The following RGS7BP variants were observed in gnomAD, a reference collection of about 807,000 sequenced individuals.
RGS7BP encodes regulator of G protein signaling 7 binding protein, also known as regulator of G protein signaling 7-binding protein.
In RGS7BP, 9 loss-of-function variants were observed where a neutral mutation model predicts 31.3. That is an observed-to-expected ratio of 0.29 (90% CI 0.17 to 0.50). The LOEUF is 0.50. Ranked by LOEUF, RGS7BP falls within the 20% of genes least tolerant of loss-of-function variation. RGS7BP has a pLI of 0.98. For missense variants in RGS7BP, 274 were observed against 322.0 expected (o/e 0.85, Z 1.14); for synonymous variants, 115 against 120.1 (o/e 0.96, Z 0.28).
At chr5:64,527,660 T>C (rs1240202681) in intron 2 of RGS7BP, among the ~76,000 whole-genome samples, 2 of 115,536 alleles carry the variant, frequency 1.7e-5, no homozygotes, top group Admixed American at 8.8e-5. Context: ...GTTCTAAATA[T>C]CCAACAGAGG....
rs1396353857 is a variant in RGS7BP, at chr5:64,506,704, C to T, written c.80C>T (p.Pro27Leu). The change falls in exon 1 of 6, where the codon CCG becomes CTG. Residue 27 changes from proline (P) to leucine (L), a missense_variant. Pro to Leu is a moderately conservative substitution (Grantham distance 98, BLOSUM62 -3). This residue lies in a region of RGS7BP where 149 missense variants were observed against 152.6 expected (regional missense o/e 0.98). Coordinates refer to ENST00000334025, the MANE Select transcript of RGS7BP (RefSeq NM_001029875.3). The surrounding 1 kb of genome is among the most constrained non-coding windows in gnomAD (Gnocchi z 4.6). ...TCGATCTTCCAGATCAGCAAGCCCC[C>T]GCTGCAGAGCGGAGATTGGGAGCGC... ...RSSIFQISKP[P>L]LQSGDWERRG... is the part of the protein sequence containing the mutation. 6.2e-7 allele frequency: 1 copy of T among 1,613,428 alleles called. No homozygotes were observed. Among genetic ancestry groups the T allele is most frequent in the Admixed American group, 1.7e-5 (1 of 60,030 alleles).
chr5:64,525,638 A>G (rs1284796816), intron 2 of RGS7BP, among the ~76,000 whole-genome samples: 2 of 152,164 alleles, frequency 1.3e-5, no homozygotes, highest in African/African-American at 2.4e-5. Flanking sequence ...AAGCCCTGAG[A>G]GGTGAGGTGA....
chr5:64,592,843 C>A (rs1292110806), intron 3 of RGS7BP, among the ~76,000 whole-genome samples: 1 of 152,138 alleles, frequency 6.6e-6, no homozygotes, highest in African/African-American at 2.4e-5. Flanking sequence ...TGGGAGAGTC[C>A]TCATTTTGCT....
chr5:64,583,738 T>G (rs1742665310), intron 3 of RGS7BP, among the ~76,000 whole-genome samples: 1 of 152,208 alleles, frequency 6.6e-6, no homozygotes, highest in South Asian at 2.1e-4. Flanking sequence ...ATGACCAGAA[T>G]AAGCATGTAG....
intron 5 of RGS7BP, among the ~76,000 whole-genome samples, chr5:64,600,563 G>A (rs1743191653): frequency 6.6e-6 from 1 of 152,048 alleles, no homozygotes; most frequent in South Asian, 2.1e-4. Flanking sequence ...TGAGTGAAAA[G>A]GGAATAGTCA....
At chr5:64,567,501 C>T (rs1218839599) in intron 2 of RGS7BP, among the ~76,000 whole-genome samples, 2 of 152,098 alleles carry the variant, frequency 1.3e-5, no homozygotes. Context: ...TAACATTTTA[C>T]GATACTTGCT....
At chr5:64,523,986 TG>T (rs1323019790) in intron 2 of RGS7BP, among the ~76,000 whole-genome samples, 1 of 152,188 alleles carries the variant, frequency 6.6e-6, no homozygotes, top group Non-Finnish European at 1.5e-5. Flanking sequence ...GAGGTCCACA[TG>T]CATGCTAAAT....
At chr5:64,569,963 T>C (rs1480120387) in intron 2 of RGS7BP, among the ~76,000 whole-genome samples, 2 of 152,116 alleles carry the variant, frequency 1.3e-5, no homozygotes, top group Non-Finnish European at 2.9e-5. Flanking sequence ...GAAACTTAGA[T>C]ATATTTGTTG....
chr5:64,598,675 A>G (rs1306287991), intron 5 of RGS7BP, among the ~76,000 whole-genome samples: 2 of 152,146 alleles, frequency 1.3e-5, no homozygotes, highest in Admixed American at 6.5e-5. Context: ...CACTGGCCCT[A>G]TTACTCACTG....
intron 3 of RGS7BP, among the ~76,000 whole-genome samples, chr5:64,582,362 A>G (rs1417560755): frequency 6.6e-6 from 1 of 152,210 alleles, no homozygotes; most frequent in African/African-American, 2.4e-5. Flanking sequence ...AGTTGTGGCA[A>G]CAGCCCCATT....
At chr5:64,551,273 T>C (rs886161860) in intron 2 of RGS7BP, among the ~76,000 whole-genome samples, 2 of 150,202 alleles carry the variant, frequency 1.3e-5, no homozygotes, top group Non-Finnish European at 3.0e-5. Flanking sequence ...TTTTATTTTT[T>C]TTTTTTTGAG....
At chr5:64,528,277 G>A (rs1480571335) in intron 2 of RGS7BP, among the ~76,000 whole-genome samples, 1 of 152,194 alleles carries the variant, frequency 6.6e-6, no homozygotes, top group Non-Finnish European at 1.5e-5. Context: ...GGAGGCCAGG[G>A]AGCCAGGAGA....
chr5:64,560,104 C>T (rs1276799733), intron 2 of RGS7BP, among the ~76,000 whole-genome samples: 1 of 152,120 alleles, frequency 6.6e-6, no homozygotes, highest in African/African-American at 2.4e-5. Context: ...TGGCTGTTTC[C>T]TGCAAATAAC....
Position 64,506,547 on chromosome 5 carries a change from C to G in RGS7BP, c.-78C>G. On this transcript the variant is annotated 5_prime_UTR_variant, in exon 1 of 6. Coordinates refer to ENST00000334025, the MANE Select transcript of RGS7BP (RefSeq NM_001029875.3). The surrounding 1 kb of genome is among the most constrained non-coding windows in gnomAD (Gnocchi z 4.6). ...GGTCCGGGCTCCGGCTGCTTGGCGGCGGCGCCCAGGGCAACAACCGGGCCG... is the reference window on the plus strand; with the variant it reads ...GGTCCGGGCTCCGGCTGCTTGGCGGGGGCGCCCAGGGCAACAACCGGGCCG... 1 of 1,351,490 alleles carries G rather than the reference C, an allele frequency of 7.4e-7. No homozygotes were observed. Among genetic ancestry groups the G allele is most frequent in the Non-Finnish European group, 1.0e-6 (1 of 989,190 alleles). The allele number at this position is 1,351,490 out of a possible 1,614,324, so 83.7% of individuals were successfully genotyped here.
chr5:64,602,536 GTGTCAAATTC>G (rs1743246287), intron 5 of RGS7BP, among the ~76,000 whole-genome samples: 2 of 152,134 alleles, frequency 1.3e-5, no homozygotes, highest in South Asian at 4.1e-4. Flanking sequence ...CACCAATGAT[GTGTCAAATTC>G]TGTGCTAGGT....
chr5:64,546,721 A>G (rs1741668231), intron 2 of RGS7BP, among the ~76,000 whole-genome samples: 1 of 152,200 alleles, frequency 6.6e-6, no homozygotes, highest in South Asian at 2.1e-4. Context: ...ATTTATTCCA[A>G]CTTTCATGCA....
intron 2 of RGS7BP, among the ~76,000 whole-genome samples, chr5:64,509,320 A>C (rs932147416): frequency 1.3e-5 from 2 of 152,224 alleles, no homozygotes; most frequent in African/African-American, 4.8e-5. Context: ...AAGGAGTAGC[A>C]ACTCTGTAAA....
chr5:64,550,462 C>CA lies in RGS7BP; in HGVS notation c.333-25312_333-25311insA, dbSNP rs1561331506. Among the ~76,000 whole-genome samples, 19 of 152,196 alleles carry CA rather than the reference C, an allele frequency of 1.2e-4. 2 individuals are homozygous for CA. The highest frequency in any genetic ancestry group is 4.3e-4 in the African/African-American group (18 of 41,484). ...ACCTCATCTAACCCTCATCTAAATA[C>CA]CCCATCTCCAAATACCATCATCACA... On this transcript the variant is annotated intron_variant, in intron 2 of 5. Coordinates refer to ENST00000334025, the MANE Select transcript of RGS7BP (RefSeq NM_001029875.3).
At chr5:64,527,628 AAAAAAAAAAAAAAAG>A in intron 2 of RGS7BP, among the ~76,000 whole-genome samples, 2 of 107,386 alleles carry the variant, frequency 1.9e-5, no homozygotes, top group South Asian at 3.0e-4. Flanking sequence ...AAAAAAAAAA[AAAAAAAAAAAAAAAG>A]AGGAATGTTC....
Sources: gnomAD v4.1 joint callset for allele counts (sites outside exome capture counted in the v4.1 genomes callset) on GRCh38, gnomAD v4.1.1 for gene constraint, gnomAD v4.1.1 regional missense constraint, Gnocchi (gnomAD v3.1) non-coding constraint, MANE v1.5 for transcripts, NCBI Gene and HGNC (gene_info 2026-07-23, HGNC 2026-07-21) for gene names.